Variants in THSD7A observed in about 807,000 individuals in gnomAD.
THSD7A encodes thrombospondin type-1 domain-containing protein 7A.
Under a neutral mutation model 231.3 loss-of-function variants are expected in THSD7A, and 96 were observed. That is an observed-to-expected ratio of 0.41 (90% CI 0.35 to 0.49). THSD7A has a LOEUF of 0.49. Among genes scored for constraint, THSD7A ranks in the 20% least tolerant of loss-of-function variants. THSD7A has a pLI of 0.05. For missense variants in THSD7A, 2,290 were observed against 2,070.2 expected (o/e 1.11, Z -2.06); for synonymous variants, 940 against 743.3 (o/e 1.26, Z -4.30).
intron 1 of THSD7A, among the ~76,000 whole-genome samples, chr7:11,648,316 G>C (rs142828655): frequency 1.2e-3 from 184 of 152,070 alleles, no homozygotes; most frequent in Non-Finnish European, 2.4e-3. Flanking sequence ...TAAGCCTGAA[G>C]TTTTTATTTT....
At chr7:11,575,856 T>C (rs957671625) in intron 4 of THSD7A, among the ~76,000 whole-genome samples, 4 of 152,218 alleles carry the variant, frequency 2.6e-5, no homozygotes, top group African/African-American at 9.7e-5. Context: ...CCTTATAAAA[T>C]TCATTATGGT....
At chr7:11,829,033 C>G (rs1485762156) in intron 1 of THSD7A, among the ~76,000 whole-genome samples, 1 of 152,008 alleles carries the variant, frequency 6.6e-6, no homozygotes, top group Non-Finnish European at 1.5e-5. Flanking sequence ...TCGTGATTTT[C>G]CAAATGTCAT....
intron 16 of THSD7A, 90 bp from the exon 17 acceptor site, chr7:11,417,693 C>A (rs926946617): frequency 1.5e-6 from 2 of 1,341,372 alleles, no homozygotes; most frequent in Admixed American, 2.5e-5. Flanking sequence ...ACCCACAGGA[C>A]AGATGGTTCT....
In THSD7A at chr7:11,758,369, T is replaced by C. The variant is rs1433475363; in HGVS notation, c.190+73388A>G. Among the ~76,000 whole-genome samples, 4 of 152,188 alleles carry C rather than the reference T, an allele frequency of 2.6e-5. No individual in the cohort carries two copies. In the East Asian group the frequency reaches 5.8e-4, roughly 22 times the overall value. Reference sequence around the variant, plus strand: ...ATAACATGTTTATTTTCTTAATGCATGGCCGAGCTGATATCAGAGGAACTC... The same window carrying C: ...ATAACATGTTTATTTTCTTAATGCACGGCCGAGCTGATATCAGAGGAACTC... On this transcript the variant is annotated intron_variant, in intron 1 of 27. Coordinates refer to ENST00000423059, the MANE Select transcript of THSD7A (RefSeq NM_015204.3).
intron 7 of THSD7A, among the ~76,000 whole-genome samples, chr7:11,477,794 A>G (rs1243646096): frequency 6.6e-6 from 1 of 152,138 alleles, no homozygotes; most frequent in Non-Finnish European, 1.5e-5. Flanking sequence ...AGTATTAGAA[A>G]CCAAGATCTG....
intron 1 of THSD7A, chr7:11,820,798 C>G: frequency 8.9e-7 from 1 of 1,118,194 alleles, no homozygotes; most frequent in Admixed American, 1.7e-5. Context: ...AGGATCTGGA[C>G]GTGCCTCTCG....
chr7:11,581,359 T>G (rs1167367570), intron 4 of THSD7A, among the ~76,000 whole-genome samples: 1 of 152,104 alleles, frequency 6.6e-6, no homozygotes, highest in Non-Finnish European at 1.5e-5. Context: ...ATTTTATTAT[T>G]AGCTTAATAT....
intron 4 of THSD7A, among the ~76,000 whole-genome samples, chr7:11,561,735 T>G (rs1790085865): frequency 6.6e-6 from 1 of 152,062 alleles, no homozygotes. Flanking sequence ...CCGGGCATGG[T>G]GGCACACTTG....
At chr7:11,824,256 G>C (rs62435375) in intron 1 of THSD7A, among the ~76,000 whole-genome samples, 1 of 151,954 alleles carries the variant, frequency 6.6e-6, no homozygotes, top group African/African-American at 2.4e-5. Flanking sequence ...AATTCTAAGG[G>C]ATCCTGTCCT....
intron 1 of THSD7A, among the ~76,000 whole-genome samples, chr7:11,760,674 T>C (rs2128168032): frequency 6.6e-6 from 1 of 152,210 alleles, no homozygotes; most frequent in South Asian, 2.1e-4. Flanking sequence ...CAGTAAATTT[T>C]ATTACAGCTT....
At chr7:11,457,383 A>G (rs1459294030) in intron 11 of THSD7A, among the ~76,000 whole-genome samples, 1 of 152,060 alleles carries the variant, frequency 6.6e-6, no homozygotes, top group Non-Finnish European at 1.5e-5. Context: ...GAGTCATATG[A>G]TCAACTTTGA....
intron 6 of THSD7A, among the ~76,000 whole-genome samples, chr7:11,513,931 G>T (rs1053734880): frequency 6.7e-6 from 1 of 149,018 alleles, no homozygotes; most frequent in East Asian, 2.0e-4. Context: ...AAGCACACAC[G>T]CATAGGTGCA....
chr7:11,801,445 T>C (rs1341864258), intron 1 of THSD7A, among the ~76,000 whole-genome samples: 1 of 152,258 alleles, frequency 6.6e-6, no homozygotes, highest in Non-Finnish European at 1.5e-5. Context: ...AATTGAAGCA[T>C]AGAGGGCCTA....
At chr7:11,428,037 C>A (rs1174938729) in intron 14 of THSD7A, among the ~76,000 whole-genome samples, 2 of 151,976 alleles carry the variant, frequency 1.3e-5, no homozygotes, top group Non-Finnish European at 2.9e-5. Context: ...CTACAATGTA[C>A]TTTTATTATG....
At chr7:11,744,884 G>T (rs13312267) in intron 1 of THSD7A, among the ~76,000 whole-genome samples, 1 of 151,916 alleles carries the variant, frequency 6.6e-6, no homozygotes, top group East Asian at 1.9e-4. Context: ...GCTGTTGTGA[G>T]TAGTGCCACA....
At chr7:11,401,017 C>T (rs1783384108) in intron 23 of THSD7A, among the ~76,000 whole-genome samples, 1 of 152,012 alleles carries the variant, frequency 6.6e-6, no homozygotes, top group Non-Finnish European at 1.5e-5. Context: ...TGTATACGTT[C>T]ACACAGACAT....
intron 6 of THSD7A, among the ~76,000 whole-genome samples, chr7:11,499,085 A>C (rs908184159): frequency 3.3e-5 from 5 of 152,152 alleles, no homozygotes; most frequent in African/African-American, 1.2e-4. Flanking sequence ...AGCCCTTGCC[A>C]TCCTCAGACT....
chr7:11,502,208 T>C (rs1296831844), intron 6 of THSD7A, among the ~76,000 whole-genome samples: 2 of 152,128 alleles, frequency 1.3e-5, no homozygotes, highest in Non-Finnish European at 2.9e-5. Flanking sequence ...TTCTACCAGA[T>C]GTATAAAGAG....
chr7:11,787,949 T>G (rs897317766), intron 1 of THSD7A, among the ~76,000 whole-genome samples: 7 of 152,092 alleles, frequency 4.6e-5, no homozygotes, highest in African/African-American at 1.4e-4. Flanking sequence ...TCTCAGGCAT[T>G]AGTTCCATGT....
Sources: allele counts gnomAD v4.1 joint callset (sites outside exome capture counted in the v4.1 genomes callset), GRCh38; gene constraint gnomAD v4.1.1; transcripts MANE v1.5; gene names NCBI Gene and HGNC (gene_info 2026-07-23, HGNC 2026-07-21).